TMC5: variants seen among roughly 807,000 people sequenced by gnomAD.
TMC5 encodes the protein transmembrane channel like 5.
TMC5 carries 86 observed loss-of-function variants against 110.5 expected under a neutral mutation model. That is an observed-to-expected ratio of 0.78 (90% CI 0.65 to 0.93). The LOEUF is 0.93. Ranked by LOEUF, TMC5 falls within the 40% of genes least tolerant of loss-of-function variation. TMC5 has a pLI of 0.00. For synonymous variants in TMC5, 455 were observed against 439.5 expected, an observed-to-expected ratio of 1.04 and a Z score of -0.44; for missense variants, 1,144 against 1,222.8, an observed-to-expected ratio of 0.94 and a Z score of 0.96.
chr16:19,497,432 A>G (rs1191418477), intron 21 of TMC5, among the ~76,000 whole-genome samples: 3 of 152,228 alleles, frequency 2.0e-5, no homozygotes, highest in Non-Finnish European at 4.4e-5. Flanking sequence ...AGTGCAAGAC[A>G]GCTTTATCAA....
chr16:19,459,080 G>A (rs970319781), intron 5 of TMC5, among the ~76,000 whole-genome samples: 7 of 149,520 alleles, frequency 4.7e-5, no homozygotes, highest in South Asian at 2.1e-4. Flanking sequence ...AATATTTTCC[G>A]AGAAATTTCT....
chr16:19,442,325 ATTT>A (rs143016414), intron 3 of TMC5, among the ~76,000 whole-genome samples: 66,236 of 123,258 alleles, frequency 0.54, 18,818 homozygotes, highest in East Asian at 0.76. Context: ...ACAAAATGTA[ATTT>A]TTTTTTTTTT....
Position 19,454,769 on chromosome 16 carries a change from T to A in TMC5, c.1048+5138T>A, listed in dbSNP as rs184263059. Reference sequence around the variant, plus strand: ...GTGATTTGAAATTAGATCTATTGGATAGGAATTGTGTTTATGTGCCTGGCA... The same window carrying A: ...GTGATTTGAAATTAGATCTATTGGAAAGGAATTGTGTTTATGTGCCTGGCA... On this transcript the variant is annotated intron_variant, in intron 5 of 21. Transcript: ENST00000542583. 1.3e-4 allele frequency among the ~76,000 whole-genome samples: 20 copies of A among 152,248 alleles called. No homozygotes were observed. In the East Asian group the frequency reaches 2.5e-3, roughly 19 times the overall value.
At chr16:19,441,952 C>T (rs1318766322) in intron 3 of TMC5, among the ~76,000 whole-genome samples, 1 of 152,024 alleles carries the variant, frequency 6.6e-6, no homozygotes, top group Non-Finnish European at 1.5e-5. Context: ...TACAGGCATG[C>T]GCCACCACGC....
chr16:19,418,419 T>G (rs1350594888), intron 1 of TMC5, among the ~76,000 whole-genome samples: 1 of 152,112 alleles, frequency 6.6e-6, no homozygotes, highest in Non-Finnish European at 1.5e-5. Flanking sequence ...ATGGGTAGTA[T>G]GCCAAAAGCT....
Position 19,474,279 on chromosome 16 carries a change from A to G in TMC5, c.2090+3A>G, listed in dbSNP as rs1286788517. ...GAAGTCTACGTTCTCCTGATCCGGT[A>G]GGTGATGTGTCGCGCCCAACACCAG... On this transcript the variant is annotated splice_donor_region_variant and intron_variant, in intron 12 of 21. Transcript: ENST00000542583. 4 of 1,613,582 alleles carry G rather than the reference A, an allele frequency of 2.5e-6. No individual in the cohort carries two copies. In the African/African-American group the frequency reaches 5.3e-5, roughly 22 times the overall value.
intron 5 of TMC5, among the ~76,000 whole-genome samples, chr16:19,452,757 C>T (rs1309168461): frequency 6.6e-6 from 1 of 152,082 alleles, no homozygotes; most frequent in Non-Finnish European, 1.5e-5. Context: ...GCTTTCTGTG[C>T]AGCATTCCTT....
chr16:19,464,098 C>T (rs1968098583), intron 8 of TMC5, 74 bp downstream of exon 8: 1 of 1,508,540 alleles, frequency 6.6e-7, no homozygotes, highest in Non-Finnish European at 9.0e-7. Flanking sequence ...TGCCGGTCAC[C>T]CACTCACACC....
At chr16:19,487,409 A>G (rs1197101212) in intron 17 of TMC5, 83 bp downstream of exon 17, 6 of 1,511,732 alleles carry the variant, frequency 4.0e-6, no homozygotes, top group Non-Finnish European at 4.4e-6. Flanking sequence ...ATTATAATTC[A>G]GGTGTGGTGA....
In TMC5 at chr16:19,418,727, G is replaced by GT. The variant is rs57232416; in HGVS notation, c.-308+652dup. ...TCTTCCTCTGATAAGTGATTTTTGTGTTTTTTTTTTTTTTTTTCGAGACAA... is the reference window on the plus strand; with the variant it reads ...TCTTCCTCTGATAAGTGATTTTTGTGTTTTTTTTTTTTTTTTTTCGAGACAA... On this transcript the variant is annotated intron_variant, in intron 1 of 21. Coordinates refer to ENST00000542583, the MANE Select transcript of TMC5 (RefSeq NM_001261841.2). 5.2e-3 allele frequency among the ~76,000 whole-genome samples: 620 copies of GT among 119,062 alleles called. 15 individuals carry two copies. Among genetic ancestry groups the GT allele is most frequent in the East Asian group, 0.05 (203 of 4,098 alleles). The allele number at this position is 119,062 out of a possible 152,430, so 78.1% of individuals were successfully genotyped here.
chr16:19,456,975 TG>T (rs751823406), intron 5 of TMC5: 160 of 1,613,964 alleles, frequency 9.9e-5, no homozygotes, highest in Non-Finnish European at 1.3e-4. Flanking sequence ...CTAGAATGCA[TG>T]GGCATAGACA....
chr16:19,444,382 T>A (rs1967565948), intron 4 of TMC5, 132 bp downstream of exon 4: 5 of 754,384 alleles, frequency 6.6e-6, no homozygotes, highest in African/African-American at 1.8e-5. Flanking sequence ...CCCTTGTTTT[T>A]ACATACAAAA....
At chr16:19,454,975 TA>T (rs200061277) in intron 5 of TMC5, among the ~76,000 whole-genome samples, 6 of 149,694 alleles carry the variant, frequency 4.0e-5, no homozygotes, top group African/African-American at 1.2e-4. Flanking sequence ...CCTATGTCTT[TA>T]AAAAAAAACA....
chr16:19,435,100 G>A (rs1378978429), intron 2 of TMC5, among the ~76,000 whole-genome samples: 3 of 152,122 alleles, frequency 2.0e-5, no homozygotes, highest in Non-Finnish European at 4.4e-5. Context: ...ATATTTGTGA[G>A]CCAAAACCCT....
intron 13 of TMC5, among the ~76,000 whole-genome samples, chr16:19,477,855 C>A (rs1239966715): frequency 6.6e-6 from 1 of 152,166 alleles, no homozygotes; most frequent in African/African-American, 2.4e-5. Flanking sequence ...GCAATAGACA[C>A]TAGTAATTTT....
intron 21 of TMC5, 65 bp downstream of exon 21, chr16:19,497,228 G>A (rs1165722869): frequency 1.7e-5 from 26 of 1,517,148 alleles, no homozygotes; most frequent in Non-Finnish European, 2.2e-5. Context: ...CCTAAGACAA[G>A]TGTAAGAATT....
chr16:19,428,158 A>G (rs778090312), intron 1 of TMC5, among the ~76,000 whole-genome samples: 2 of 152,180 alleles, frequency 1.3e-5, no homozygotes, highest in Non-Finnish European at 2.9e-5. Context: ...GCGGAAAGAG[A>G]TTTGATAGGC....
chr16:19,497,093 C>T (rs1027497296), intron 20 of TMC5, 28 bp from the exon 21 acceptor site: 10 of 1,613,482 alleles, frequency 6.2e-6, no homozygotes, highest in South Asian at 4.4e-5. Flanking sequence ...TCCTCCGTGA[C>T]GTGGCTGCTT....
At position 19,434,004 on chromosome 16, in the gene TMC5, T is replaced by A. The variant is rs554781674; in HGVS notation, c.-80+3364T>A. 3.4e-4 allele frequency among the ~76,000 whole-genome samples: 29 copies of A among 85,350 alleles called. No individual in the cohort carries two copies. The East Asian group carries it at 6.8e-3, about 20-fold the overall frequency. The allele number at this position is 85,350 out of a possible 152,430, so 56.0% of individuals were successfully genotyped here. A position where few individuals can be genotyped will look rare whatever the true frequency, so the allele number is the denominator to read the frequency against. Reference sequence around the variant, plus strand: ...CCAGCTAATTTATATATATATATATTATATATATAATATATATATAAATCT... The same window carrying A: ...CCAGCTAATTTATATATATATATATAATATATATAATATATATATAAATCT... On this transcript the variant is annotated intron_variant, in intron 2 of 21. Coordinates refer to ENST00000542583, the MANE Select transcript of TMC5 (RefSeq NM_001261841.2).
Sources: allele counts gnomAD v4.1 joint callset (sites outside exome capture counted in the v4.1 genomes callset), GRCh38; gene constraint gnomAD v4.1.1; transcripts MANE v1.5; gene names NCBI Gene and HGNC (gene_info 2026-07-23, HGNC 2026-07-21).